Variants in TNFAIP2 observed in about 807,000 individuals in gnomAD.
TNFAIP2 encodes tumor necrosis factor alpha-induced protein 2.
TNFAIP2 carries 47 observed loss-of-function variants against 63.5 expected under a neutral mutation model. The observed-to-expected ratio is 0.74, with a 90% CI of 0.59 to 0.94. The LOEUF (loss-of-function observed/expected upper bound fraction) is 0.94, where lower values mean the gene tolerates loss of function less well. Among genes scored for constraint, TNFAIP2 ranks in the 40% least tolerant of loss-of-function variants. The probability of loss-of-function intolerance (pLI) is 0.00; values close to 1 mark genes in which losing one functional copy is unlikely to be tolerated. For missense variants in TNFAIP2, 787 were observed against 850.2 expected, an observed-to-expected ratio of 0.93 and a Z score of 0.92; for synonymous variants, 405 against 390.2, an observed-to-expected ratio of 1.04 and a Z score of -0.45.
In TNFAIP2 at chr14:103,132,792, G is replaced by A; in HGVS notation, c.1465G>A (p.Val489Met). Residue 489 changes from valine to methionine, a missense_variant, in exon 9 of 12, where the codon GTG becomes ATG. Physicochemically the swap from Val to Met is conservative, Grantham distance 21 (BLOSUM62 1). Around this residue, in one of 3 missense-constraint regions of TNFAIP2, gnomAD observed 523 missense variants for 604.1 expected, o/e 0.87. Coordinates refer to ENST00000560869, the MANE Select transcript of TNFAIP2 (RefSeq NM_006291.4). The part of the protein sequence containing the change: ...RFTHTRWAAP[V>M]ETLENIIATV... ...CACGCACACCCGCTGGGCGGCCCCT[G>A]TGGAGACCCTGGAAAACATCATCGC... 1.2e-6 allele frequency: 2 copies of A among 1,613,996 alleles called. No individual in the cohort carries two copies. Among genetic ancestry groups the A allele is most frequent in the Non-Finnish European group, 1.7e-6 (2 of 1,179,950 alleles).
At chr14:103,122,904 G>T (rs1392562575), upstream of TNFAIP2, 6 of 448,830 alleles carry the variant, frequency 1.3e-5, no homozygotes, top group Admixed American at 1.4e-4. Flanking sequence ...CGACCGGAGG[G>T]GCTCAAGGCC....
At chr14:103,122,012 C>A (rs1322871033), upstream of TNFAIP2, among the ~76,000 whole-genome samples, 1 of 152,194 alleles carries the variant, frequency 6.6e-6, no homozygotes, top group Non-Finnish European at 1.5e-5. Flanking sequence ...CCTCATCGCC[C>A]CTGTGTGGAT....
At position 103,131,720 on chromosome 14, in the gene TNFAIP2, C is replaced by T. The variant is rs564019638; in HGVS notation, c.1380C>T (p.His460=). 37 of 1,611,872 alleles carry T rather than the reference C, an allele frequency of 2.3e-5. No individual in the cohort carries two copies. The East Asian group carries it at 4.5e-4, about 19-fold the overall frequency. The part of the protein sequence containing the change: ...LLGPLGELKS[H]GFDTLLQNLH... ...GCCCCCTGGGTGAGCTCAAGAGCCA[C>T]GGCTTTGACACCCTGCTCCAGAACC... The change falls in exon 8 of 12, where the codon CAC becomes CAT. Residue 460 remains histidine (H), a synonymous_variant. Transcript: ENST00000560869. The surrounding 1 kb of genome is among the most constrained non-coding windows in gnomAD (Gnocchi z 4.0).
In TNFAIP2 at chr14:103,131,110, G is replaced by A. The variant is rs771883284; in HGVS notation, c.1258G>A (p.Ala420Thr). ...AGGCAAGCAGCTGACGAATTACAGG[G>A]CCAATGTTATTGCCAACATCAACAA... ...ERGKQLTNYR[A>T]NVIANINNCL... Residue 420 changes from alanine to threonine, a missense_variant, in exon 7 of 12, where the codon GCC becomes ACC. Physicochemically the swap from Ala to Thr is moderately conservative, Grantham distance 58. Transcript: ENST00000560869. The surrounding 1 kb of genome is among the most constrained non-coding windows in gnomAD (Gnocchi z 4.0). 1.2e-6 allele frequency: 2 copies of A among 1,614,174 alleles called. No individual in the cohort carries two copies. Among genetic ancestry groups the A allele is most frequent in the Admixed American group, 1.7e-5 (1 of 60,022 alleles).
chr14:103,126,754 G>A (rs980744605), intron 2 of TNFAIP2, 62 bp downstream of exon 2: 2 of 1,488,306 alleles, frequency 1.3e-6, no homozygotes, highest in Non-Finnish European at 1.8e-6. Flanking sequence ...GCTCATCCGC[G>A]TGAGTGAGCC....
chr14:103,125,237 C>T (rs2087828843), intron 1 of TNFAIP2, among the ~76,000 whole-genome samples: 1 of 152,216 alleles, frequency 6.6e-6, no homozygotes, highest in Admixed American at 6.5e-5. Context: ...AGGCCCAGCC[C>T]CTGCCTGCTT....
In TNFAIP2 at chr14:103,135,111, G is replaced by T; in HGVS notation, c.1824-108G>T. 1.4e-6 allele frequency: 2 copies of T among 1,406,542 alleles called. No homozygotes were observed. Among genetic ancestry groups the T allele is most frequent in the Non-Finnish European group, 1.0e-6 (1 of 999,498 alleles). The allele number at this position is 1,406,542 out of a possible 1,614,324, so 87.1% of individuals were successfully genotyped here. A position where few individuals can be genotyped will look rare whatever the true frequency, so the allele number is the denominator to read the frequency against. ...GGAGAGTGAAGTGCAGCCCCCTCGT[G>T]GGCCGGGCGTTGGCTGTCGGGCCCT... On this transcript the variant is annotated intron_variant, in intron 11 of 11. Coordinates refer to ENST00000560869, the MANE Select transcript of TNFAIP2 (RefSeq NM_006291.4). This position sits in a 1 kb window ranked among gnomAD's most constrained non-coding sequence, Gnocchi z 7.6.
Position 103,131,082 on chromosome 14 carries a change from G to A in TNFAIP2, c.1230G>A (p.Glu410=). Residue 410 remains glutamate, a synonymous_variant, in exon 7 of 12, where the codon GAG becomes GAA. Coordinates refer to ENST00000560869, the MANE Select transcript of TNFAIP2 (RefSeq NM_006291.4). This position sits in a 1 kb window ranked among gnomAD's most constrained non-coding sequence, Gnocchi z 4.0. ...AGCGCGCCTTTAATGAATTTCTGGA[G>A]AGAGGCAAGCAGCTGACGAATTACA... ...SYQRAFNEFL[E]RGKQLTNYRA... is the part of the protein sequence containing the mutation. 1.9e-6 allele frequency: 3 copies of A among 1,614,186 alleles called. No individual in the cohort carries two copies. The highest frequency in any genetic ancestry group is 3.3e-5 in the Admixed American group (2 of 60,022).
chr14:103,129,725 C>T lies in TNFAIP2; in HGVS notation c.861-15C>T. ...TTGGTATAGTTGTCCTCATGCCAGC[C>T]TCCCCTGCCTGCAGTGACATCATCA... On this transcript the variant is annotated splice_polypyrimidine_tract_variant and intron_variant, in intron 3 of 11. Transcript: ENST00000560869. 6.2e-7 allele frequency: 1 copy of T among 1,611,308 alleles called. No homozygotes were observed. Among genetic ancestry groups the T allele is most frequent in the Non-Finnish European group, 8.5e-7 (1 of 1,177,680 alleles).
chr14:103,126,773 A>C (rs2087862867), intron 2 of TNFAIP2, 81 bp downstream of exon 2: 1 of 1,415,794 alleles, frequency 7.1e-7, no homozygotes, highest in Admixed American at 2.4e-5. Flanking sequence ...CCACTTGCAC[A>C]GTGGGCCGGC....
chr14:103,132,667 C>T, intron 8 of TNFAIP2, 83 bp from the exon 9 acceptor site: 3 of 1,509,726 alleles, frequency 2.0e-6, no homozygotes, highest in Non-Finnish European at 2.7e-6. Flanking sequence ...CGGTGTGTGT[C>T]TGTGTCTGCG....
chr14:103,128,816 C>A (rs2087912952), intron 3 of TNFAIP2, among the ~76,000 whole-genome samples: 1 of 152,228 alleles, frequency 6.6e-6, no homozygotes, highest in Non-Finnish European at 1.5e-5. Context: ...ACCTGCACCC[C>A]TGCCTGCCAG....
At position 103,133,485 on chromosome 14, in the gene TNFAIP2, G is replaced by A. The variant is rs758888777; in HGVS notation, c.1669G>A (p.Ala557Thr). ...QQLAGYILAN[A>T]DTIQHFCTQH... is the part of the protein sequence containing the mutation. ...GCTGGCTGGGTACATCCTGGCCAAT[G>A]CTGACACCATCCAGCACTTCTGCAC... is the stretch of plus-strand genomic sequence containing the variant. The change falls in exon 10 of 12, where the codon GCT (alanine) becomes ACT (threonine). Residue 557 changes from alanine to threonine, a missense_variant. Around this residue, in one of 3 missense-constraint regions of TNFAIP2, gnomAD observed 523 missense variants for 604.1 expected, o/e 0.87. Transcript: ENST00000560869. The A allele has an allele frequency of 6.2e-7, 1 of 1,613,932 alleles. No homozygotes were observed. The highest frequency in any genetic ancestry group is 8.5e-7 in the Non-Finnish European group (1 of 1,180,018).
intron 11 of TNFAIP2, among the ~76,000 whole-genome samples, chr14:103,134,423 ATCTT>A (rs2088053354): frequency 6.6e-6 from 1 of 151,580 alleles, no homozygotes. Context: ...CTATCCGTCT[ATCTT>A]CTCACCCACT....
Position 103,127,204 on chromosome 14 carries a change from G to A in TNFAIP2, c.435G>A (p.Glu145=), listed in dbSNP as rs2087875120. The change falls in exon 3 of 12, where the codon GAG becomes GAA. Residue 145 remains glutamate, a synonymous_variant. Coordinates refer to ENST00000560869, the MANE Select transcript of TNFAIP2 (RefSeq NM_006291.4). This position sits in a 1 kb window ranked among gnomAD's most constrained non-coding sequence, Gnocchi z 5.1. ...QVLGVLRRPL[E]APPERLRQAL... ...TGGGCGTGCTGCGGCGGCCGCTGGA[G>A]GCGCCGCCCGAGCGGCTGCGCCAGG... 2 of 1,116,258 alleles carry A rather than the reference G, an allele frequency of 1.8e-6. No individual in the cohort carries two copies. Among genetic ancestry groups the A allele is most frequent in the Non-Finnish European group, 1.1e-6 (1 of 909,772 alleles). The allele number at this position is 1,116,258 out of a possible 1,614,324, so 69.1% of individuals were successfully genotyped here.
chr14:103,135,238 A>G lies in TNFAIP2; in HGVS notation c.1843A>G (p.Ile615Val), dbSNP rs373454985. The G allele has an allele frequency of 1.1e-5, 17 of 1,613,818 alleles. No individual in the cohort carries two copies. The highest frequency in any genetic ancestry group is 1.3e-5 in the African/African-American group (1 of 74,922). ...PDFSKGHLSA[I>V]LAIKGNLSNS... ...TGCCAGCAAAGGCCACCTGAGCGCT[A>G]TCCTGGCCATCAAGGGGAACCTATC... Residue 615 changes from isoleucine to valine, a missense_variant, in exon 12 of 12, where the codon ATC (isoleucine) becomes GTC (valine). Ile to Val is a conservative substitution (Grantham distance 29). Transcript: ENST00000560869. The surrounding 1 kb of genome is among the most constrained non-coding windows in gnomAD (Gnocchi z 7.6).
chr14:103,124,202 T>G (rs142462797), intron 1 of TNFAIP2, among the ~76,000 whole-genome samples: 1,838 of 152,316 alleles, frequency 0.012, 21 homozygotes, highest in Middle Eastern at 0.054. Context: ...CGCCCAGCAC[T>G]TGGCTGTGCG....
intron 6 of TNFAIP2, 63 bp downstream of exon 6, chr14:103,130,478 A>C: frequency 1.4e-6 from 2 of 1,468,590 alleles, no homozygotes; most frequent in Admixed American, 2.0e-5. Context: ...GCCCCTCCCT[A>C]GTGCCTCAGG....
chr14:103,134,602 A>AC (rs2088058667), intron 11 of TNFAIP2, among the ~76,000 whole-genome samples: 1 of 133,918 alleles, frequency 7.5e-6, no homozygotes, highest in Non-Finnish European at 1.6e-5. Flanking sequence ...CCACCCATCC[A>AC]CCCATGCATC....
Sources: gnomAD v4.1 joint callset for allele counts (sites outside exome capture counted in the v4.1 genomes callset) on GRCh38, gnomAD v4.1.1 for gene constraint, gnomAD v4.1.1 regional missense constraint, Gnocchi (gnomAD v3.1) non-coding constraint, MANE v1.5 for transcripts, NCBI Gene and HGNC (gene_info 2026-07-23, HGNC 2026-07-21) for gene names.